ADAMTS17: variants seen among roughly 807,000 people sequenced by gnomAD.
The protein encoded by ADAMTS17 is ADAM metallopeptidase with thrombospondin type 1 motif 17.
Under a neutral mutation model 141.5 loss-of-function variants are expected in ADAMTS17, and 113 were observed. That is an observed-to-expected ratio of 0.80 (90% CI 0.69 to 0.93). ADAMTS17 has a LOEUF of 0.93. Ranked by LOEUF, ADAMTS17 falls within the 40% of genes least tolerant of loss-of-function variation. The pLI, the probability that ADAMTS17 is intolerant of heterozygous loss-of-function variation, is 0.00. For missense variants in ADAMTS17, 1,659 were observed against 1,517.9 expected, an observed-to-expected ratio of 1.09 and a Z score of -1.54; for synonymous variants, 768 against 630.6, an observed-to-expected ratio of 1.22 and a Z score of -3.27.
rs539551211 is a variant in ADAMTS17 at position 100,195,688 on chromosome 15, T to C, written c.1181+3630A>G. 2.0e-5 allele frequency among the ~76,000 whole-genome samples: 3 copies of C among 146,534 alleles called. No homozygotes were observed. In the South Asian group the frequency reaches 6.6e-4, roughly 32 times the overall value. On this transcript the variant is annotated intron_variant, in intron 8 of 21. Transcript: ENST00000268070. ...AAAAATCTGTCAATCTCACCCACAG[T>C]ACTCGAGTGTCCTAGGGAACCCCTC...
At chr15:100,324,248 T>A (rs2045829223) in intron 3 of ADAMTS17, among the ~76,000 whole-genome samples, 1 of 151,866 alleles carries the variant, frequency 6.6e-6, no homozygotes, top group African/African-American at 2.4e-5. Context: ...GATTTTGCAG[T>A]GAGCCGAGAT....
chr15:100,158,248 T>C (rs2039527393), intron 8 of ADAMTS17, among the ~76,000 whole-genome samples: 1 of 152,186 alleles, frequency 6.6e-6, no homozygotes, highest in African/African-American at 2.4e-5. Context: ...TTTACTTTAC[T>C]TTTGGGTGAG....
intron 18 of ADAMTS17, among the ~76,000 whole-genome samples, chr15:100,008,411 G>A (rs566696208): frequency 6.6e-6 from 1 of 152,326 alleles, no homozygotes; most frequent in East Asian, 1.9e-4. Flanking sequence ...CCTGCCCACA[G>A]GTGGTGCCTC....
rs140850427 is a variant in ADAMTS17, at chr15:100,273,266, G to A, written c.789+7963C>T. On this transcript the variant is annotated intron_variant, in intron 4 of 21. Transcript: ENST00000268070. ...TTCAGCTTTTTTGGAAGAATTTGAG[G>A]AGGACTAGTGTTAGCTCTCCTTTAA... Among the ~76,000 whole-genome samples, 377 of 152,266 alleles carry A rather than the reference G, an allele frequency of 2.5e-3. 1 individual carries two copies. The highest frequency in any genetic ancestry group is 8.5e-3 in the African/African-American group (352 of 41,566).
At chr15:100,210,791 AC>A (rs2041775840) in intron 7 of ADAMTS17, among the ~76,000 whole-genome samples, 1 of 150,714 alleles carries the variant, frequency 6.6e-6, no homozygotes, top group Non-Finnish European at 1.5e-5. Flanking sequence ...CATGGCTGAA[AC>A]CCCGTCTCTA....
chr15:100,292,356 CCG>C (rs2044667106), intron 3 of ADAMTS17, among the ~76,000 whole-genome samples: 2 of 150,164 alleles, frequency 1.3e-5, no homozygotes, highest in African/African-American at 4.9e-5. Context: ...GACACTCACC[CCG>C]TGTGAAATTA....
intron 7 of ADAMTS17, among the ~76,000 whole-genome samples, chr15:100,206,442 A>C (rs2041565778): frequency 6.6e-6 from 1 of 152,090 alleles, no homozygotes; most frequent in Non-Finnish European, 1.5e-5. Context: ...AATTTTGAAA[A>C]CTGTAACACA....
chr15:100,059,586 A>G (rs899570064), intron 15 of ADAMTS17, among the ~76,000 whole-genome samples: 10 of 152,232 alleles, frequency 6.6e-5, no homozygotes, highest in African/African-American at 2.2e-4. Context: ...CCCTCAAAAG[A>G]GATGTCAGCC....
At chr15:99,995,138 C>T (rs1281743350) in intron 19 of ADAMTS17, among the ~76,000 whole-genome samples, 5 of 152,150 alleles carry the variant, frequency 3.3e-5, no homozygotes, top group Non-Finnish European at 2.9e-5. Flanking sequence ...GCAGGAGGCC[C>T]GGGGCACTGC....
chr15:100,338,764 A>C (rs892655347), intron 2 of ADAMTS17, among the ~76,000 whole-genome samples: 45 of 151,794 alleles, frequency 3.0e-4, no homozygotes, highest in African/African-American at 1.1e-3. Flanking sequence ...CACACACACA[A>C]CTCCACATCT....
At chr15:100,102,091 G>T (rs546180676) in intron 14 of ADAMTS17, among the ~76,000 whole-genome samples, 27 of 152,296 alleles carry the variant, frequency 1.8e-4, no homozygotes, top group Middle Eastern at 3.4e-3. Context: ...CTCAAAATTA[G>T]TTTCCCTGCA....
chr15:100,340,172 G>A (rs912703840), intron 2 of ADAMTS17, among the ~76,000 whole-genome samples: 22 of 152,206 alleles, frequency 1.4e-4, no homozygotes, highest in Admixed American at 2.6e-4. Flanking sequence ...TGCGGCTTTC[G>A]GGGCACGATG....
At chr15:100,147,720 G>A (rs939401084) in intron 10 of ADAMTS17, among the ~76,000 whole-genome samples, 2 of 152,074 alleles carry the variant, frequency 1.3e-5, no homozygotes, top group African/African-American at 2.4e-5. Context: ...GCCTTTGTAC[G>A]AATGTCATAC....
chr15:100,165,881 TTCTC>T (rs922882461), intron 8 of ADAMTS17, among the ~76,000 whole-genome samples: 2 of 152,122 alleles, frequency 1.3e-5, no homozygotes, highest in African/African-American at 4.8e-5. Context: ...TCTTTTTCCT[TTCTC>T]TCTTTTTTGT....
intron 3 of ADAMTS17, among the ~76,000 whole-genome samples, chr15:100,329,653 G>T (rs1301612794): frequency 1.3e-5 from 2 of 152,010 alleles, no homozygotes; most frequent in South Asian, 2.1e-4. Context: ...CCTCACTTTT[G>T]TAAGGAGGCA....
intron 2 of ADAMTS17, among the ~76,000 whole-genome samples, chr15:100,332,484 G>A (rs2141960966): frequency 6.6e-6 from 1 of 152,330 alleles, no homozygotes; most frequent in South Asian, 2.1e-4. Flanking sequence ...TCTAATGAGG[G>A]GCTGCACTCA....
chr15:100,208,971 G>A (rs140498372), intron 7 of ADAMTS17, among the ~76,000 whole-genome samples: 51 of 152,154 alleles, frequency 3.4e-4, no homozygotes, highest in African/African-American at 1.2e-3. Flanking sequence ...TACCTTTACT[G>A]CCTTCCAAGG....
At chr15:100,151,635 C>G (rs2039169427) in intron 10 of ADAMTS17, among the ~76,000 whole-genome samples, 1 of 152,198 alleles carries the variant, frequency 6.6e-6, no homozygotes, top group African/African-American at 2.4e-5. Context: ...CTGAGTTCCA[C>G]ATACCCCTGG....
At chr15:100,242,338 C>A (rs1023338638) in intron 7 of ADAMTS17, among the ~76,000 whole-genome samples, 1 of 152,170 alleles carries the variant, frequency 6.6e-6, no homozygotes, top group Non-Finnish European at 1.5e-5. Context: ...TGAGGACTGT[C>A]CGTTGTCCAA....
Sources: gnomAD v4.1 joint callset for allele counts (sites outside exome capture counted in the v4.1 genomes callset) on GRCh38, gnomAD v4.1.1 for gene constraint, MANE v1.5 for transcripts, NCBI Gene and HGNC (gene_info 2026-07-23, HGNC 2026-07-21) for gene names.